PLSCR4: variants seen among roughly 807,000 people sequenced by gnomAD.
PLSCR4 encodes phospholipid scramblase 4.
PLSCR4 carries 25 observed loss-of-function variants against 36.3 expected under a neutral mutation model. The observed-to-expected ratio is 0.69, with a 90% CI of 0.50 to 0.96. The LOEUF is 0.96. Among genes scored for constraint, PLSCR4 ranks in the 40% least tolerant of loss-of-function variants. The probability of loss-of-function intolerance (pLI) is 0.00; values close to 1 mark genes in which losing one functional copy is unlikely to be tolerated. For missense variants in PLSCR4, 408 were observed against 414.7 expected (o/e 0.98, Z 0.14); for synonymous variants, 122 against 132.9 (o/e 0.92, Z 0.56).
In PLSCR4 at chr3:146,195,151, G is replaced by A. The variant is rs1423294664; in HGVS notation, c.918C>T (p.Ala306=). 6.2e-7 allele frequency: 1 copy of A among 1,613,706 alleles called. No homozygotes were observed. The highest frequency in any genetic ancestry group is 2.2e-5 in the East Asian group (1 of 44,874). Reference sequence around the variant, plus strand: ...TGAGGAAGCAAGCTCCAAAAATCATGGCTTTCATCTTCACATCCAGGTCTA... The same window carrying A: ...TGAGGAAGCAAGCTCCAAAAATCATAGCTTTCATCTTCACATCCAGGTCTA... ...FPLDLDVKMK[A]MIFGACFLID... The change falls in exon 8 of 9, where the codon GCC becomes GCT. Residue 306 remains alanine (A), a synonymous_variant. Transcript: ENST00000354952.
intron 6 of PLSCR4, 93 bp from the exon 7 acceptor site, chr3:146,196,886 C>T: frequency 9.7e-7 from 1 of 1,026,756 alleles, no homozygotes; most frequent in Non-Finnish European, 1.4e-6. Flanking sequence ...TGTCCTCACT[C>T]ATTCAAAGAC....
At chr3:146,230,940 T>A (rs1460553888) in intron 1 of PLSCR4, among the ~76,000 whole-genome samples, 1 of 149,728 alleles carries the variant, frequency 6.7e-6, no homozygotes, top group Admixed American at 6.6e-5. Flanking sequence ...GTCAATAGGG[T>A]TTGGTGTACA....
rs144658283 is a variant in PLSCR4 at position 146,224,346 on chromosome 3, G to A, written c.-21-2254C>T. 1.1e-4 allele frequency among the ~76,000 whole-genome samples: 17 copies of A among 152,308 alleles called. No homozygotes were observed. The East Asian group carries it at 3.1e-3, about 28-fold the overall frequency. The stretch of plus-strand genomic sequence containing the variant: ...TGTATCTCAAAATTATAGCACAACA[G>A]AAAAAGCAAATCACTGGAGAATACA... On this transcript the variant is annotated intron_variant, in intron 1 of 8. Coordinates refer to ENST00000354952, the MANE Select transcript of PLSCR4 (RefSeq NM_020353.3).
At chr3:146,238,805 G>GA in intron 1 of PLSCR4, among the ~76,000 whole-genome samples, 1 of 151,728 alleles carries the variant, frequency 6.6e-6, no homozygotes, top group South Asian at 2.1e-4. Flanking sequence ...GATTAGGTTA[G>GA]AAAAAAGAAA....
intron 1 of PLSCR4, among the ~76,000 whole-genome samples, chr3:146,229,174 G>T (rs1264518388): frequency 6.6e-6 from 1 of 152,180 alleles, no homozygotes; most frequent in African/African-American, 2.4e-5. Flanking sequence ...CTTGGAATTT[G>T]CAAGTAATAG....
Position 146,196,878 on chromosome 3 carries a change from T to C in PLSCR4, c.625-85A>G, listed in dbSNP as rs938763326. 6.2e-6 allele frequency: 7 copies of C among 1,135,566 alleles called. No homozygotes were observed. The East Asian group carries it at 1.0e-4, about 17-fold the overall frequency. 70.3% of individuals were successfully genotyped at this position (1,135,566 alleles called of 1,614,324 possible). A position where few individuals can be genotyped will look rare whatever the true frequency, so the allele number is the denominator to read the frequency against. On this transcript the variant is annotated intron_variant, in intron 6 of 8. Transcript: ENST00000354952. ...TACGCACATACACAATCTAGATGTG[T>C]CCTCACTCATTCAAAGACTAGGGAA...
chr3:146,223,879 ATATT>A (rs1304342331), intron 1 of PLSCR4: 3 of 144,156 alleles, frequency 2.1e-5, no homozygotes, highest in African/African-American at 5.0e-5. Context: ...TATATATTAT[ATATT>A]TTTACATTTA....
intron 3 of PLSCR4, 95 bp from the exon 4 acceptor site, chr3:146,206,856 T>A: frequency 1.4e-6 from 1 of 736,316 alleles, no homozygotes; most frequent in Non-Finnish European, 2.2e-6. Context: ...GACATCCACT[T>A]AAATATAACA....
intron 1 of PLSCR4, among the ~76,000 whole-genome samples, chr3:146,235,052 C>T (rs952919628): frequency 6.6e-6 from 1 of 152,142 alleles, no homozygotes; most frequent in African/African-American, 2.4e-5. Flanking sequence ...TACTCAGAAT[C>T]TCATAAAATA....
intron 1 of PLSCR4, among the ~76,000 whole-genome samples, chr3:146,226,630 T>C (rs1275113818): frequency 6.6e-6 from 1 of 152,172 alleles, no homozygotes; most frequent in African/African-American, 2.4e-5. Context: ...AAACCTGAAG[T>C]AGCACCTCTG....
intron 3 of PLSCR4, among the ~76,000 whole-genome samples, chr3:146,212,535 C>G (rs2034680010): frequency 6.6e-6 from 1 of 150,776 alleles, no homozygotes; most frequent in Admixed American, 6.6e-5. Flanking sequence ...ACTGCAGTCT[C>G]AAATCCCTGG....
intron 1 of PLSCR4, among the ~76,000 whole-genome samples, chr3:146,229,542 C>A (rs1309800332): frequency 6.6e-6 from 1 of 151,722 alleles, no homozygotes; most frequent in African/African-American, 2.4e-5. Context: ...TAGGTCTCAT[C>A]CCATGGATCT....
chr3:146,216,958 T>C (rs1409078808), intron 3 of PLSCR4, among the ~76,000 whole-genome samples: 1 of 152,170 alleles, frequency 6.6e-6, no homozygotes, highest in Non-Finnish European at 1.5e-5. Context: ...CCACTCATAA[T>C]AGTCATGAAT....
intron 2 of PLSCR4, 122 bp from the exon 3 acceptor site, chr3:146,221,047 T>C: frequency 1.8e-6 from 1 of 563,452 alleles, no homozygotes; most frequent in Non-Finnish European, 3.1e-6. Flanking sequence ...AATACACTCC[T>C]ATATTTTTTA....
At chr3:146,232,353 T>A (rs2035746264) in intron 1 of PLSCR4, among the ~76,000 whole-genome samples, 1 of 152,126 alleles carries the variant, frequency 6.6e-6, no homozygotes, top group African/African-American at 2.4e-5. Flanking sequence ...AATTTCAGAA[T>A]CATATCTTTC....
chr3:146,249,574 C>CTA (rs1276733700), intron 1 of PLSCR4, among the ~76,000 whole-genome samples: 2 of 151,080 alleles, frequency 1.3e-5, no homozygotes, highest in Non-Finnish European at 3.0e-5. Flanking sequence ...GAAGTCTCCA[C>CTA]TATATATATG....
At chr3:146,231,105 G>A (rs1415407560) in intron 1 of PLSCR4, among the ~76,000 whole-genome samples, 1 of 152,124 alleles carries the variant, frequency 6.6e-6, no homozygotes, top group Non-Finnish European at 1.5e-5. Context: ...CACTATAAAT[G>A]AGAAGATACA....
Position 146,195,325 on chromosome 3 carries a change from T to C in PLSCR4, c.787-43A>G, listed in dbSNP as rs770947878. On this transcript the variant is annotated intron_variant, in intron 7 of 8. Coordinates refer to ENST00000354952, the MANE Select transcript of PLSCR4 (RefSeq NM_020353.3). ...TGCCTTTATGATGATTGAAACGCAT[T>C]GAAGCATGTTTTAATGTTCTGCTTA... The C allele has an allele frequency of 6.0e-6, 9 of 1,495,262 alleles. No homozygotes were observed. In the African/African-American group the frequency reaches 1.2e-4, roughly 21 times the overall value. The allele number at this position is 1,495,262 out of a possible 1,614,324, so 92.6% of individuals were successfully genotyped here. A position where few individuals can be genotyped will look rare whatever the true frequency, so the allele number is the denominator to read the frequency against.
chr3:146,208,611 T>C (rs1010612179), intron 3 of PLSCR4, among the ~76,000 whole-genome samples: 1 of 151,926 alleles, frequency 6.6e-6, no homozygotes, highest in Non-Finnish European at 1.5e-5. Flanking sequence ...AGGACATGAA[T>C]AGACAATTCT....
Sources: gnomAD v4.1 joint callset for allele counts (sites outside exome capture counted in the v4.1 genomes callset) on GRCh38, gnomAD v4.1.1 for gene constraint, MANE v1.5 for transcripts, NCBI Gene and HGNC (gene_info 2026-07-23, HGNC 2026-07-21) for gene names.